The following SACS variants were observed in gnomAD, a reference collection of about 807,000 sequenced individuals.
SACS encodes sacsin.
A neutral mutation model predicts 348.0 loss-of-function variants in SACS; 197 were observed. The ratio of observed to expected loss-of-function variants is 0.57; its 90% CI spans 0.50 to 0.64. The LOEUF is 0.64. SACS is among the 30% of genes least tolerant of loss of function. The pLI, the probability that SACS is intolerant of heterozygous loss-of-function variation, is 0.00. For synonymous variants in SACS, 1,985 were observed against 1,910.6 expected (o/e 1.04, Z -1.02); for missense variants, 4,999 against 5,360.8 (o/e 0.93, Z 2.11).
Position 23,412,509 on chromosome 13 carries a change from G to A in SACS, c.-501-769C>T, listed in dbSNP as rs1376719966. Among the ~76,000 whole-genome samples, 3 of 148,410 alleles carry A rather than the reference G, an allele frequency of 2.0e-5. No individual in the cohort carries two copies. The Admixed American group carries it at 2.0e-4, about 10-fold the overall frequency. On this transcript the variant is annotated intron_variant, in intron 1 of 9. Transcript: ENST00000382292. ...GCTCACTGCAACATCTACCTCCCGA[G>A]TTCAAGTGATTCTTCTGCCTCAGCC...
At position 23,340,067 on chromosome 13, in the gene SACS, A is replaced by G; in HGVS notation, c.3809T>C (p.Phe1270Ser). The change falls in exon 10 of 10, where the codon TTT (phenylalanine) becomes TCT (serine). Residue 1270 changes from phenylalanine (F) to serine (S), a missense_variant. By Grantham distance (155) the Phe-to-Ser change is radical. Transcript: ENST00000382292. ...HDHLNEGKDS[F>S]RALKFPWVWT... is the part of the protein sequence containing the mutation. Reference sequence around the variant, plus strand: ...AACCCATGGAAATTTTAAGGCTCTAAAAGAATCTTTCCCTTCATTTAGATG... The same window carrying G: ...AACCCATGGAAATTTTAAGGCTCTAGAAGAATCTTTCCCTTCATTTAGATG... 1 of 1,614,096 alleles carries G rather than the reference A, an allele frequency of 6.2e-7. No homozygotes were observed. Among genetic ancestry groups the G allele is most frequent in the Non-Finnish European group, 8.5e-7 (1 of 1,180,000 alleles).
chr13:23,400,745 A>G lies in SACS; in HGVS notation c.20+10475T>C, dbSNP rs114367654. ...AGTCACTTTGGTTAAATAGGTAGCT[A>G]AGCATTGTTTCACACCAACCTAACA... On this transcript the variant is annotated intron_variant, in intron 2 of 9. Transcript: ENST00000382292. 8.5e-3 allele frequency among the ~76,000 whole-genome samples: 1,288 copies of G among 152,262 alleles called. 16 individuals carry two copies. The highest frequency in any genetic ancestry group is 0.03 in the African/African-American group (1,250 of 41,544).
intron 1 of SACS, among the ~76,000 whole-genome samples, chr13:23,426,059 G>A (rs1369794823): frequency 6.6e-6 from 1 of 152,124 alleles, no homozygotes; most frequent in East Asian, 1.9e-4. Context: ...TACAGAGAAG[G>A]AAACTGGTGT....
chr13:23,337,815 A>G lies in SACS; in HGVS notation c.6061T>C (p.Ser2021Pro). 5.0e-6 allele frequency: 8 copies of G among 1,613,896 alleles called. No homozygotes were observed. The highest frequency in any genetic ancestry group is 6.8e-6 in the Non-Finnish European group (8 of 1,179,948). Residue 2021 changes from serine to proline, a missense_variant, in exon 10 of 10, where the codon TCC becomes CCC. Transcript: ENST00000382292. ...IFLKYLKKTG[S>P]KNLCAVELPS... ...AGTTCAACAGCACAAAGGTTTTTGG[A>G]CCCAGTCTTCTTGAGGTATTTCAAA... is the stretch of plus-strand genomic sequence containing the variant.
chr13:23,330,391 CT>C lies in SACS; in HGVS notation c.13484del (p.Lys4495SerfsTer6). On this transcript the variant is annotated frameshift_variant, in exon 10 of 10. Transcript: ENST00000382292. LOFTEE classifies it high-confidence loss of function. ...LIAADYAVRG[K>X]SDKDVKPTAL... ...CAGTTGGTTTTACATCTTTATCAGA[CT>C]TTCCCCTCACAGCATAGTCAGCTGC... The C allele has an allele frequency of 6.2e-7, 1 of 1,614,202 alleles. No homozygotes were observed. The highest frequency in any genetic ancestry group is 8.5e-7 in the Non-Finnish European group (1 of 1,180,018).
At chr13:23,375,089 C>G (rs1318703733) in intron 3 of SACS, 30 bp downstream of exon 3, 1 of 1,475,860 alleles carries the variant, frequency 6.8e-7, no homozygotes, top group African/African-American at 1.5e-5. Context: ...CGTGGCGGAG[C>G]CCAGCCCAGC....
In SACS at chr13:23,330,943, T is replaced by C. The variant is rs1449177791; in HGVS notation, c.12933A>G (p.Thr4311=). ...NSLPEILKEV[T]SVVEQAWKLP... ...GCTTCCATGCTTGCTCCACCACAGA[T>C]GTCACTTCTTTTAAGATTTCTGGTA... The change falls in exon 10 of 10, where the codon ACA becomes ACG. Residue 4311 remains threonine, a synonymous_variant. Transcript: ENST00000382292. 8 of 1,614,032 alleles carry C rather than the reference T, an allele frequency of 5.0e-6. No individual in the cohort carries two copies. Among genetic ancestry groups the C allele is most frequent in the East Asian group, 2.2e-5 (1 of 44,898 alleles).
At chr13:23,389,562 T>A (rs919170045) in intron 2 of SACS, among the ~76,000 whole-genome samples, 1 of 152,198 alleles carries the variant, frequency 6.6e-6, no homozygotes, top group Non-Finnish European at 1.5e-5. Flanking sequence ...TGTGCTCTAC[T>A]TGCCAAACTT....
chr13:23,388,477 T>C (rs1431082023), intron 2 of SACS, among the ~76,000 whole-genome samples: 3 of 115,220 alleles, frequency 2.6e-5, no homozygotes, highest in East Asian at 2.8e-4. Context: ...TATAAAAATA[T>C]GGTGTGTGTG....
At position 23,355,411 on chromosome 13, in the gene SACS, G is replaced by A. The variant is rs769212398; in HGVS notation, c.1201C>T (p.Arg401Ter). The A allele has an allele frequency of 4.3e-6, 7 of 1,613,756 alleles. No homozygotes were observed. The highest frequency in any genetic ancestry group is 2.2e-5 in the South Asian group (2 of 91,070). The stretch of plus-strand genomic sequence containing the variant: ...GAGTCAAGCTTACTACTGATCCCTC[G>A]CCCACCCACACTGTTACACACCAAC... ...SWLVCNSVGG[R>*]GISSKLDSLA... The change falls in exon 8 of 10, where the codon CGA (arginine) becomes TGA (stop). Residue 401 changes from arginine to a stop codon, truncating the protein, a stop_gained. Transcript: ENST00000382292. LOFTEE classifies it high-confidence loss of function.
At position 23,337,493 on chromosome 13, in the gene SACS, T is replaced by C. The variant is rs762352013; in HGVS notation, c.6383A>G (p.Asp2128Gly). 7.4e-6 allele frequency: 12 copies of C among 1,613,768 alleles called. No individual in the cohort carries two copies. The Admixed American group carries it at 2.0e-4, about 27-fold the overall frequency. Residue 2128 changes from aspartate (D) to glycine (G), a missense_variant, in exon 10 of 10, where the codon GAT becomes GGT. Asp to Gly is a moderately conservative substitution (Grantham distance 94, BLOSUM62 -1). Transcript: ENST00000382292. ...GRVAKLFDIK[D>G]GRFPYGSTQD... ...AGTAGAACCATAAGGGAATCTCCCA[T>C]CTTTAATATCAAATAACTTTGCAAC... is the stretch of plus-strand genomic sequence containing the variant.
intron 2 of SACS, among the ~76,000 whole-genome samples, chr13:23,378,476 AT>A (rs370600456): frequency 7.3e-5 from 11 of 149,754 alleles, no homozygotes; most frequent in East Asian, 2.0e-4. Flanking sequence ...TCTCTTGCAA[AT>A]TTTTTTTTTC....
At chr13:23,351,466 A>G (rs936739669) in intron 9 of SACS, among the ~76,000 whole-genome samples, 1 of 152,088 alleles carries the variant, frequency 6.6e-6, no homozygotes, top group African/African-American at 2.4e-5. Context: ...GTACTGACTA[A>G]GTCTCAAGAG....
In SACS at chr13:23,336,649, T is replaced by C. The variant is rs752932765; in HGVS notation, c.7227A>G (p.Gln2409=). 25 of 1,613,870 alleles carry C rather than the reference T, an allele frequency of 1.5e-5. No homozygotes were observed. The Middle Eastern group carries it at 6.6e-4, about 43-fold the overall frequency. Residue 2409 remains glutamine (Q), a synonymous_variant, in exon 10 of 10, where the codon CAA becomes CAG. Coordinates refer to ENST00000382292, the MANE Select transcript of SACS (RefSeq NM_014363.6). ...DFALVLESID[Q]ERGTKQITEE... ...CTGTTATTTGCTTTGTTCCTCTTTCTTGATCAATAGATTCCAAAACAAGAG... is the reference window on the plus strand; with the variant it reads ...CTGTTATTTGCTTTGTTCCTCTTTCCTGATCAATAGATTCCAAAACAAGAG...
Position 23,338,191 on chromosome 13 carries a change from A to G in SACS, c.5685T>C (p.Asn1895=), listed in dbSNP as rs1593129706. The change falls in exon 10 of 10, where the codon AAT becomes AAC. Residue 1895 remains asparagine (N), a synonymous_variant. Transcript: ENST00000382292. ...TATCTGTTTTCCAGATTTCTTTCCT[A>G]TTTGATGTAACAGCAAAGCACCCAT... ...HINGCFAVTS[N]RKEIWKTDTK... is the part of the protein sequence containing the mutation. 6.2e-7 allele frequency: 1 copy of G among 1,614,026 alleles called. No homozygotes were observed. The highest frequency in any genetic ancestry group is 8.5e-7 in the Non-Finnish European group (1 of 1,179,976).
chr13:23,345,959 C>T (rs1475248298), intron 9 of SACS, among the ~76,000 whole-genome samples: 4 of 152,050 alleles, frequency 2.6e-5, no homozygotes, highest in Admixed American at 1.3e-4. Flanking sequence ...TAAGAACAAT[C>T]GGCTGACTCT....
chr13:23,372,895 C>T (rs1006210791), intron 3 of SACS, among the ~76,000 whole-genome samples: 1 of 152,144 alleles, frequency 6.6e-6, no homozygotes, highest in African/African-American at 2.4e-5. Context: ...ATATCCTTTC[C>T]TTTGGTTTCA....
At chr13:23,367,617 G>A (rs533813675) in intron 5 of SACS, among the ~76,000 whole-genome samples, 9 of 151,824 alleles carry the variant, frequency 5.9e-5, no homozygotes, top group South Asian at 2.1e-4. Context: ...TTTTTGAGAC[G>A]GAGTGTGGCT....
chr13:23,391,715 T>A (rs140608474), intron 2 of SACS, among the ~76,000 whole-genome samples: 1 of 152,236 alleles, frequency 6.6e-6, no homozygotes, highest in East Asian at 1.9e-4. Flanking sequence ...CCATGATTGA[T>A]CCTAATTGGA....
Sources: gnomAD v4.1 joint callset for allele counts (sites outside exome capture counted in the v4.1 genomes callset) on GRCh38, gnomAD v4.1.1 for gene constraint, MANE v1.5 for transcripts, NCBI Gene and HGNC (gene_info 2026-07-23, HGNC 2026-07-21) for gene names.